Variants in NR3C2 observed in about 807,000 individuals in gnomAD.
NR3C2 encodes the protein nuclear receptor subfamily 3 group C member 2, also known as mineralocorticoid receptor.
A neutral mutation model predicts 86.4 loss-of-function variants in NR3C2; 15 were observed. The observed-to-expected ratio is 0.17, with a 90% CI of 0.12 to 0.27. The LOEUF (loss-of-function observed/expected upper bound fraction) is 0.27, where lower values mean the gene tolerates loss of function less well. NR3C2 is among the 10% of genes least tolerant of loss of function. NR3C2 has a pLI of 1.00. For missense variants in NR3C2, 960 were observed against 1,195.6 expected, an observed-to-expected ratio of 0.80 and a Z score of 2.91; for synonymous variants, 458 against 450.5, an observed-to-expected ratio of 1.02 and a Z score of -0.21.
At chr4:148,318,747 T>C (rs867262274) in intron 2 of NR3C2, among the ~76,000 whole-genome samples, 23 of 152,152 alleles carry the variant, frequency 1.5e-4, no homozygotes, top group South Asian at 4.1e-4. Context: ...TGTAAATTTG[T>C]TTGAGTTCAT....
intron 2 of NR3C2, among the ~76,000 whole-genome samples, chr4:148,292,853 T>A (rs1455849479): frequency 1.3e-5 from 2 of 152,080 alleles, no homozygotes; most frequent in African/African-American, 4.8e-5. Context: ...AAAAATAGAT[T>A]TGATAGATAA....
chr4:148,391,475 C>G (rs1747553640), intron 2 of NR3C2, among the ~76,000 whole-genome samples: 1 of 152,160 alleles, frequency 6.6e-6, no homozygotes, highest in Non-Finnish European at 1.5e-5. Flanking sequence ...GTAGATATTT[C>G]TGCTCCCCAG....
Position 148,435,720 on chromosome 4 carries a change from C to G in NR3C2, c.1141G>C (p.Glu381Gln). The G allele has an allele frequency of 1.2e-6, 2 of 1,614,200 alleles. No individual in the cohort carries two copies. Among genetic ancestry groups the G allele is most frequent in the Non-Finnish European group, 1.7e-6 (2 of 1,180,046 alleles). Residue 381 changes from glutamate to glutamine, a missense_variant, in exon 2 of 9, where the codon GAG (glutamate) becomes CAG (glutamine). Glu to Gln is a conservative substitution (Grantham distance 29). This residue lies in a region of NR3C2 where 680 missense variants were observed against 719.0 expected (regional missense o/e 0.95). Transcript: ENST00000358102. Reference sequence around the variant, plus strand: ...GTCACACCATTTGAGATGGCACTCTCTACTTCCTCAGTCTTAGGAAAAGGG... The same window carrying G: ...GTCACACCATTTGAGATGGCACTCTGTACTTCCTCAGTCTTAGGAAAAGGG... ...EVPFPKTEEV[E>Q]SAISNGVTGQ...
chr4:148,277,371 A>G (rs557375242), intron 2 of NR3C2, among the ~76,000 whole-genome samples: 15 of 152,326 alleles, frequency 9.8e-5, no homozygotes, highest in African/African-American at 2.9e-4. Flanking sequence ...TCATCCTCAT[A>G]GGCAATATGA....
At chr4:148,357,678 CTTCAT>C (rs1745618192) in intron 2 of NR3C2, among the ~76,000 whole-genome samples, 1 of 152,144 alleles carries the variant, frequency 6.6e-6, no homozygotes, top group Admixed American at 6.5e-5. Context: ...ACCAAAGGCT[CTTCAT>C]TTAACATTAA....
At chr4:148,319,134 G>A (rs1377848841) in intron 2 of NR3C2, among the ~76,000 whole-genome samples, 28 of 151,118 alleles carry the variant, frequency 1.9e-4, no homozygotes, top group South Asian at 6.3e-4. Context: ...TAAATAGGGA[G>A]TCCTTTCCCC....
At chr4:148,251,742 G>A (rs1739590096) in intron 3 of NR3C2, among the ~76,000 whole-genome samples, 1 of 151,972 alleles carries the variant, frequency 6.6e-6, no homozygotes, top group South Asian at 2.1e-4. Context: ...TATATATGAA[G>A]TTCATTCCTT....
chr4:148,415,391 T>A (rs1167054067), intron 2 of NR3C2, among the ~76,000 whole-genome samples: 7 of 152,238 alleles, frequency 4.6e-5, no homozygotes. Context: ...AGTTGCTCTA[T>A]TCGCTTAGGA....
At chr4:148,299,035 T>C (rs564352232) in intron 2 of NR3C2, among the ~76,000 whole-genome samples, 126 of 152,354 alleles carry the variant, frequency 8.3e-4, no homozygotes, top group African/African-American at 2.9e-3. Flanking sequence ...AGCTCATGCA[T>C]GGTGGCCCAG....
chr4:148,111,910 T>A (rs1732063492), intron 8 of NR3C2, among the ~76,000 whole-genome samples: 2 of 152,214 alleles, frequency 1.3e-5, no homozygotes, highest in Non-Finnish European at 2.9e-5. Context: ...ATTGTGGTGA[T>A]AATTTCACAG....
At chr4:148,396,140 T>C (rs1732142780) in intron 2 of NR3C2, among the ~76,000 whole-genome samples, 1 of 152,342 alleles carries the variant, frequency 6.6e-6, no homozygotes, top group African/African-American at 2.4e-5. Context: ...TAAAACAAAA[T>C]AGTCTTGAAT....
intron 6 of NR3C2, among the ~76,000 whole-genome samples, chr4:148,123,173 G>A (rs1030837182): frequency 6.6e-6 from 1 of 151,912 alleles, no homozygotes; most frequent in Non-Finnish European, 1.5e-5. Flanking sequence ...ACTGAGATAC[G>A]CCCTGGTCTC....
intron 2 of NR3C2, among the ~76,000 whole-genome samples, chr4:148,400,679 T>A (rs1208937064): frequency 2.7e-5 from 4 of 146,082 alleles, no homozygotes; most frequent in African/African-American, 1.0e-4. Context: ...CTCGGGAGAA[T>A]AGGCAGGAGA....
At chr4:148,317,144 G>C (rs759914796) in intron 2 of NR3C2, among the ~76,000 whole-genome samples, 1 of 152,060 alleles carries the variant, frequency 6.6e-6, no homozygotes, top group Admixed American at 6.6e-5. Flanking sequence ...ACTTATAAAT[G>C]TATTCACTTA....
chr4:148,331,388 A>T (rs568849908), intron 2 of NR3C2, among the ~76,000 whole-genome samples: 1 of 152,348 alleles, frequency 6.6e-6, no homozygotes, highest in African/African-American at 2.4e-5. Context: ...CCATCAACAT[A>T]ATGGTGCAGT....
chr4:148,287,233 AC>A (rs1476245248), intron 2 of NR3C2, among the ~76,000 whole-genome samples: 2 of 152,162 alleles, frequency 1.3e-5, no homozygotes, highest in Non-Finnish European at 2.9e-5. Context: ...CTAACTTTGT[AC>A]CCTCTTTTGC....
At chr4:148,187,467 C>G (rs747141476) in intron 4 of NR3C2, among the ~76,000 whole-genome samples, 5 of 152,048 alleles carry the variant, frequency 3.3e-5, no homozygotes, top group Non-Finnish European at 7.4e-5. Flanking sequence ...TGATGTTGAG[C>G]ATTTTTTCAT....
chr4:148,375,146 C>A (rs908385057), intron 2 of NR3C2, among the ~76,000 whole-genome samples: 4 of 151,952 alleles, frequency 2.6e-5, no homozygotes, highest in African/African-American at 9.7e-5. Context: ...TTTCCCTGTA[C>A]AAAATTCATC....
At chr4:148,304,359 T>C (rs558058102) in intron 2 of NR3C2, among the ~76,000 whole-genome samples, 2 of 126,668 alleles carry the variant, frequency 1.6e-5, no homozygotes, top group East Asian at 2.4e-4. Flanking sequence ...TTTTAACCAG[T>C]TGGGCTTTTG....
Sources: allele counts gnomAD v4.1 joint callset (sites outside exome capture counted in the v4.1 genomes callset), GRCh38; gene constraint gnomAD v4.1.1; regional missense constraint gnomAD v4.1.1; transcripts MANE v1.5; gene names NCBI Gene and HGNC (gene_info 2026-07-23, HGNC 2026-07-21).